KIAA1217: variants seen among roughly 807,000 people sequenced by gnomAD.
The protein encoded by KIAA1217 is KIAA1217.
KIAA1217 carries 88 observed loss-of-function variants against 163.9 expected under a neutral mutation model. The observed-to-expected ratio is 0.54, with a 90% CI of 0.45 to 0.64. The LOEUF is 0.64. Ranked by LOEUF, KIAA1217 falls within the 30% of genes least tolerant of loss-of-function variation. KIAA1217 has a pLI of 0.00. For missense variants in KIAA1217, 2,372 were observed against 2,475.0 expected, an observed-to-expected ratio of 0.96 and a Z score of 0.88; for synonymous variants, 903 against 923.1, an observed-to-expected ratio of 0.98 and a Z score of 0.39.
At chr10:23,755,398 T>G (rs1403967067) in intron 1 of KIAA1217, among the ~76,000 whole-genome samples, 1 of 152,218 alleles carries the variant, frequency 6.6e-6, no homozygotes, top group Non-Finnish European at 1.5e-5. Flanking sequence ...GCAGGCATAA[T>G]AATCTTGTCC....
At chr10:23,803,819 T>C (rs902271630) in intron 1 of KIAA1217, among the ~76,000 whole-genome samples, 1 of 152,150 alleles carries the variant, frequency 6.6e-6, no homozygotes, top group African/African-American at 2.4e-5. Flanking sequence ...AAATTGCATT[T>C]TGATGAAATG....
chr10:24,055,559 A>AC (rs1849833776), intron 2 of KIAA1217, among the ~76,000 whole-genome samples: 1 of 152,190 alleles, frequency 6.6e-6, no homozygotes, highest in African/African-American at 2.4e-5. Context: ...GATTTGCATG[A>AC]CATAATTATT....
intron 9 of KIAA1217, among the ~76,000 whole-genome samples, chr10:24,507,763 C>T (rs1487149728): frequency 1.3e-5 from 2 of 152,032 alleles, no homozygotes; most frequent in Non-Finnish European, 2.9e-5. Flanking sequence ...CTCAGTGAAC[C>T]CCTAGAATGG....
chr10:23,950,870 G>A (rs980124773), intron 1 of KIAA1217, among the ~76,000 whole-genome samples: 1 of 152,046 alleles, frequency 6.6e-6, no homozygotes, highest in Non-Finnish European at 1.5e-5. Context: ...TATTTTCAGG[G>A]TCTACTCTAG....
chr10:23,977,341 G>T (rs1240094705), intron 1 of KIAA1217, among the ~76,000 whole-genome samples: 1 of 152,140 alleles, frequency 6.6e-6, no homozygotes, highest in African/African-American at 2.4e-5. Flanking sequence ...GAGAGGAAGG[G>T]AGGGCAAATA....
At chr10:23,847,138 A>G (rs1040987740) in intron 1 of KIAA1217, among the ~76,000 whole-genome samples, 1 of 152,188 alleles carries the variant, frequency 6.6e-6, no homozygotes, top group Non-Finnish European at 1.5e-5. Flanking sequence ...TCGGTTTGCC[A>G]GTATTTTATT....
intron 1 of KIAA1217, among the ~76,000 whole-genome samples, chr10:23,872,661 A>T (rs1339817388): frequency 6.6e-6 from 1 of 152,070 alleles, no homozygotes; most frequent in Non-Finnish European, 1.5e-5. Context: ...AAGCACTTTT[A>T]TGAGCTCACC....
chr10:24,289,522 G>A (rs1256723112), intron 2 of KIAA1217, among the ~76,000 whole-genome samples: 1 of 146,770 alleles, frequency 6.8e-6, no homozygotes, highest in East Asian at 2.3e-4. Flanking sequence ...TTGTCCTCAT[G>A]GAGGAGGAGG....
At chr10:23,808,242 A>C (rs1836836877) in intron 1 of KIAA1217, among the ~76,000 whole-genome samples, 1 of 152,236 alleles carries the variant, frequency 6.6e-6, no homozygotes, top group African/African-American at 2.4e-5. Context: ...TTGAATAGAA[A>C]ATAATCCCCA....
chr10:23,866,659 A>G (rs946513564), intron 1 of KIAA1217, among the ~76,000 whole-genome samples: 3 of 151,604 alleles, frequency 2.0e-5, no homozygotes, highest in African/African-American at 7.3e-5. Flanking sequence ...AGCTCCTCTG[A>G]TGCCTCTCCC....
intron 6 of KIAA1217, among the ~76,000 whole-genome samples, chr10:24,475,904 G>A (rs938764260): frequency 7.2e-5 from 11 of 152,112 alleles, no homozygotes; most frequent in African/African-American, 2.4e-4. Context: ...TGTTGCTGAG[G>A]GGATGGAACT....
intron 1 of KIAA1217, among the ~76,000 whole-genome samples, chr10:23,954,089 G>T (rs1844453352): frequency 6.6e-6 from 1 of 152,196 alleles, no homozygotes; most frequent in Admixed American, 6.5e-5. Context: ...TGAAGGGTTT[G>T]TTATTTTCCA....
chr10:23,900,815 A>C (rs916046275), intron 1 of KIAA1217, among the ~76,000 whole-genome samples: 6 of 152,118 alleles, frequency 3.9e-5, no homozygotes, highest in Non-Finnish European at 8.8e-5. Flanking sequence ...TTCCAACTGT[A>C]TCATGTCCAG....
chr10:23,909,588 C>T (rs1842342149), intron 1 of KIAA1217, among the ~76,000 whole-genome samples: 1 of 152,032 alleles, frequency 6.6e-6, no homozygotes, highest in African/African-American at 2.4e-5. Context: ...ATGATGGTTT[C>T]CAGCTTCATC....
At chr10:24,349,132 CAAA>C (rs11318554) in intron 2 of KIAA1217, among the ~76,000 whole-genome samples, 23 of 105,514 alleles carry the variant, frequency 2.2e-4, no homozygotes, top group South Asian at 6.6e-4. Context: ...GACCCTGTCT[CAAA>C]AAAAAAAAAA....
At chr10:24,504,865 A>C (rs1251723488) in intron 9 of KIAA1217, among the ~76,000 whole-genome samples, 2 of 152,304 alleles carry the variant, frequency 1.3e-5, no homozygotes, top group East Asian at 3.9e-4. Context: ...TTTCAATGGG[A>C]CAAGGGGAAC....
chr10:23,741,133 A>G (rs1428518093), intron 1 of KIAA1217, among the ~76,000 whole-genome samples: 8 of 152,210 alleles, frequency 5.3e-5, no homozygotes, highest in African/African-American at 1.9e-4. Context: ...TAGCAGAAAG[A>G]AGCCTCTTTC....
chr10:24,033,120 A>C (rs1446026072), intron 2 of KIAA1217, among the ~76,000 whole-genome samples: 1 of 152,230 alleles, frequency 6.6e-6, no homozygotes, highest in Non-Finnish European at 1.5e-5. Flanking sequence ...TGTCCTAAAT[A>C]ATTTTAAGAT....
chr10:24,263,008 A>C (rs1200688159), intron 2 of KIAA1217, among the ~76,000 whole-genome samples: 1 of 152,004 alleles, frequency 6.6e-6, no homozygotes, highest in Non-Finnish European at 1.5e-5. Flanking sequence ...ATGGGGGCCA[A>C]AGTCCACTCA....
Sources: allele counts gnomAD v4.1 joint callset (sites outside exome capture counted in the v4.1 genomes callset), GRCh38; gene constraint gnomAD v4.1.1; transcripts MANE v1.5; gene names NCBI Gene and HGNC (gene_info 2026-07-23, HGNC 2026-07-21).